OXSR1: variants seen among roughly 807,000 people sequenced by gnomAD.
OXSR1 encodes the protein serine/threonine-protein kinase OSR1.
A neutral mutation model predicts 79.8 loss-of-function variants in OXSR1; 24 were observed. The ratio of observed to expected loss-of-function variants is 0.30; its 90% CI spans 0.22 to 0.42. OXSR1 has a LOEUF of 0.42. Among genes scored for constraint, OXSR1 ranks in the 10% least tolerant of loss-of-function variants. OXSR1 has a pLI of 1.00. For synonymous variants in OXSR1, 226 were observed against 209.2 expected, an observed-to-expected ratio of 1.08 and a Z score of -0.69; for missense variants, 430 against 618.4, an observed-to-expected ratio of 0.70 and a Z score of 3.23.
chr3:38,207,308 T>C (rs1455405375), intron 4 of OXSR1, among the ~76,000 whole-genome samples: 1 of 152,194 alleles, frequency 6.6e-6, no homozygotes, highest in East Asian at 1.9e-4. Flanking sequence ...CACATAATAG[T>C]CTGGGCATAA....
chr3:38,243,731 A>G (rs1575373177), intron 12 of OXSR1, among the ~76,000 whole-genome samples: 1 of 152,376 alleles, frequency 6.6e-6, no homozygotes, highest in Non-Finnish European at 1.5e-5. Flanking sequence ...ATTTGTTTAC[A>G]TAGAACTGTA....
intron 1 of OXSR1, among the ~76,000 whole-genome samples, chr3:38,180,046 G>A (rs1701752810): frequency 6.6e-6 from 1 of 151,010 alleles, no homozygotes; most frequent in South Asian, 2.1e-4. Flanking sequence ...GACCCCCTGT[G>A]ATCTGCCCAC....
chr3:38,249,683 G>A (rs1252767314), intron 14 of OXSR1, among the ~76,000 whole-genome samples: 1 of 152,050 alleles, frequency 6.6e-6, no homozygotes, highest in Non-Finnish European at 1.5e-5. Flanking sequence ...TTCTTGGTGT[G>A]GGAATAAGGA....
chr3:38,187,716 A>G (rs1272226738), intron 2 of OXSR1, among the ~76,000 whole-genome samples: 8 of 152,162 alleles, frequency 5.3e-5, no homozygotes, highest in Non-Finnish European at 1.2e-4. Context: ...CAGTTTCATT[A>G]GAAGGGGTGG....
At chr3:38,187,747 TTTA>T (rs942369588) in intron 2 of OXSR1, among the ~76,000 whole-genome samples, 4 of 152,030 alleles carry the variant, frequency 2.6e-5, no homozygotes, top group African/African-American at 9.7e-5. Context: ...ATTTATTTAT[TTTA>T]TTAATTTATT....
intron 12 of OXSR1, 99 bp downstream of exon 12, chr3:38,242,877 G>A: frequency 1.5e-6 from 1 of 677,918 alleles, no homozygotes; most frequent in Non-Finnish European, 2.6e-6. Context: ...ATGCTTAAAT[G>A]GGAATGCAAC....
chr3:38,164,895 T>G (rs1452267850), upstream of OXSR1, among the ~76,000 whole-genome samples: 1 of 152,022 alleles, frequency 6.6e-6, no homozygotes, highest in Admixed American at 6.5e-5. Flanking sequence ...AACTTCCAGT[T>G]TCACTCCGAC....
chr3:38,169,945 G>A (rs1701545449), intron 1 of OXSR1, among the ~76,000 whole-genome samples: 1 of 151,490 alleles, frequency 6.6e-6, no homozygotes, highest in South Asian at 2.1e-4. Context: ...TCCCAGGATG[G>A]TCTCAAATTC....
chr3:38,194,492 C>G (rs568920015), intron 3 of OXSR1, among the ~76,000 whole-genome samples: 154 of 152,238 alleles, frequency 1.0e-3, no homozygotes, highest in African/African-American at 3.4e-3. Flanking sequence ...AAGCCATGAT[C>G]TTGCCACTAC....
intron 4 of OXSR1, among the ~76,000 whole-genome samples, chr3:38,209,069 C>T (rs918449264): frequency 2.6e-4 from 40 of 151,984 alleles, no homozygotes; most frequent in African/African-American, 8.0e-4. Flanking sequence ...TCATTGAAAC[C>T]TCAGCTTTAC....
intron 4 of OXSR1, among the ~76,000 whole-genome samples, chr3:38,208,171 G>A (rs538858164): frequency 3.6e-4 from 55 of 151,942 alleles, no homozygotes; most frequent in African/African-American, 1.3e-3. Context: ...TAACAGTGCC[G>A]GAAAAATATT....
chr3:38,221,602 C>T lies in OXSR1; in HGVS notation c.515C>T (p.Ala172Val). The change falls in exon 6 of 18, where the codon GCA becomes GTA. Residue 172 changes from alanine to valine, a missense_variant. Coordinates refer to ENST00000311806, the MANE Select transcript of OXSR1 (RefSeq NM_005109.3). ...IADFGVSAFLATGGDITRNKV... is the reference protein window; with the variant it reads ...IADFGVSAFLVTGGDITRNKV... ...GACTTTGGGGTTAGTGCTTTTTTAG[C>T]AACTGGTGGTGATATTACCCGAAAT... 2.5e-6 allele frequency: 4 copies of T among 1,611,726 alleles called. No individual in the cohort carries two copies. The highest frequency in any genetic ancestry group is 3.4e-6 in the Non-Finnish European group (4 of 1,178,104).
chr3:38,214,163 A>G (rs1702439777), intron 4 of OXSR1, among the ~76,000 whole-genome samples: 1 of 148,316 alleles, frequency 6.7e-6, no homozygotes, highest in Non-Finnish European at 1.5e-5. Context: ...TTTTTATTTT[A>G]TACACTACTT....
intron 11 of OXSR1, among the ~76,000 whole-genome samples, chr3:38,242,328 A>T (rs772789495): frequency 5.9e-5 from 9 of 152,140 alleles, no homozygotes; most frequent in Non-Finnish European, 1.3e-4. Context: ...TTCTCCATTA[A>T]AGCTTGTAAA....
intron 8 of OXSR1, among the ~76,000 whole-genome samples, chr3:38,229,138 G>C (rs1219406760): frequency 6.6e-6 from 1 of 152,090 alleles, no homozygotes; most frequent in African/African-American, 2.4e-5. Context: ...ACTGAGTTTT[G>C]TTAAATTTGG....
chr3:38,206,233 G>A (rs1216445426), intron 4 of OXSR1, among the ~76,000 whole-genome samples: 1 of 152,064 alleles, frequency 6.6e-6, no homozygotes, highest in Non-Finnish European at 1.5e-5. Flanking sequence ...CTTATACAAT[G>A]GGTCTAGAGT....
intron 4 of OXSR1, among the ~76,000 whole-genome samples, chr3:38,209,593 A>G (rs962929463): frequency 8.1e-5 from 12 of 148,762 alleles, no homozygotes; most frequent in African/African-American, 2.7e-4. Flanking sequence ...AGCATTTCAT[A>G]TGATTCCATT....
intron 15 of OXSR1, chr3:38,250,271 G>A: frequency 2.7e-6 from 1 of 377,096 alleles, no homozygotes; most frequent in Non-Finnish European, 4.8e-6. Context: ...GCCAGGCATT[G>A]TCTTAAGCGT....
rs1258089622 is a variant in OXSR1 at position 38,247,709 on chromosome 3, A to T, written c.1299A>T (p.Pro433=). Residue 433 remains proline (P), a synonymous_variant, in exon 14 of 18, where the codon CCA becomes CCT. Transcript: ENST00000311806. ...CAGGTTCACAAGAAACCAAGATCCC[A>T]ATCAGTCTAGTACTAAGATTAAGGT... ...SGSGSQETKI[P]ISLVLRLRNS... is the part of the protein sequence containing the mutation. 32 of 1,611,788 alleles carry T rather than the reference A, an allele frequency of 2.0e-5. No homozygotes were observed. The highest frequency in any genetic ancestry group is 2.6e-5 in the Non-Finnish European group (31 of 1,178,098).
Sources: gnomAD v4.1 joint callset for allele counts (sites outside exome capture counted in the v4.1 genomes callset) on GRCh38, gnomAD v4.1.1 for gene constraint, MANE v1.5 for transcripts, NCBI Gene and HGNC (gene_info 2026-07-23, HGNC 2026-07-21) for gene names.